The following CPSF7 variants were observed in gnomAD, a reference collection of about 807,000 sequenced individuals.
CPSF7 encodes cleavage and polyadenylation specific factor 7.
CPSF7 carries 1 observed loss-of-function variant against 44.3 expected under a neutral mutation model. The observed-to-expected ratio is 0.02, with a 90% CI of 0.01 to 0.11. The LOEUF is 0.11. CPSF7 is among the 10% of genes least tolerant of loss of function. The pLI, the probability that CPSF7 is intolerant of heterozygous loss-of-function variation, is 1.00. For missense variants in CPSF7, 443 were observed against 607.2 expected (o/e 0.73, Z 2.84); for synonymous variants, 202 against 222.0 (o/e 0.91, Z 0.80).
rs533964994 is a variant in CPSF7 at position 61,420,955 on chromosome 11, C to G, written c.274-382G>C. On this transcript the variant is annotated intron_variant, in intron 3 of 9. Coordinates refer to ENST00000439958, the MANE Select transcript of CPSF7 (RefSeq NM_001142565.3). ...CCTAATTTGGAAAAACCACCCCCAC[C>G]ACCAGCCCCAAAACATCACAAAATA... The G allele has an allele frequency of 1.0e-4, 71 of 700,188 alleles. No individual in the cohort carries two copies. In the African/African-American group the frequency reaches 1.1e-3, roughly 11 times the overall value. 43.4% of individuals were successfully genotyped at this position (700,188 alleles called of 1,614,324 possible).
At chr11:61,415,055 G>A (rs1053117061) in intron 7 of CPSF7, among the ~76,000 whole-genome samples, 1 of 152,112 alleles carries the variant, frequency 6.6e-6, no homozygotes, top group Non-Finnish European at 1.5e-5. Context: ...TGGCCAATAT[G>A]ATGAAACCCT....
At chr11:61,415,839 T>G in intron 6 of CPSF7, 55 bp from the exon 7 acceptor site, 1 of 1,279,360 alleles carries the variant, frequency 7.8e-7, no homozygotes, top group Non-Finnish European at 1.1e-6. Flanking sequence ...ATTTTTACTG[T>G]ACTCTACAAC....
chr11:61,406,893 C>G (rs1859381713), intron 9 of CPSF7, among the ~76,000 whole-genome samples: 1 of 152,100 alleles, frequency 6.6e-6, no homozygotes, highest in Non-Finnish European at 1.5e-5. Context: ...CCTCCTGCCT[C>G]AGCACCCCCA....
intron 9 of CPSF7, among the ~76,000 whole-genome samples, chr11:61,405,601 T>C (rs963514021): frequency 3.9e-5 from 6 of 152,226 alleles, no homozygotes; most frequent in African/African-American, 1.2e-4. Flanking sequence ...GGTGGTGGTA[T>C]GGTCAGTCTG....
rs747884642 is a variant in CPSF7 at position 61,410,976 on chromosome 11, T to C, written c.1356A>G (p.Arg452=). ...YFQERNREHE[R]HRDRERDRHH ...GCCGGTCCCGTTCTCTATCCCGGTG[T>C]CTCTCATGCTCCCGGTTCCTTTCTT... Residue 452 remains arginine, a synonymous_variant, in exon 9 of 10, where the codon AGA becomes AGG. Transcript: ENST00000439958. The C allele has an allele frequency of 1.7e-5, 27 of 1,613,422 alleles. No homozygotes were observed. Among genetic ancestry groups the C allele is most frequent in the African/African-American group, 2.7e-5 (2 of 74,866 alleles).
chr11:61,417,279 C>T (rs1054288225), intron 5 of CPSF7, among the ~76,000 whole-genome samples: 1 of 152,244 alleles, frequency 6.6e-6, no homozygotes, highest in African/African-American at 2.4e-5. Flanking sequence ...AAATCCTCTA[C>T]CCTTCAGGGC....
chr11:61,429,669 G>T (rs1202156709), intron 1 of CPSF7: 4 of 1,415,574 alleles, frequency 2.8e-6, no homozygotes, highest in Non-Finnish European at 1.9e-6. Flanking sequence ...AGAGCCCCCA[G>T]GTGTCAAGCA....
rs951395994 is a variant in CPSF7 at position 61,429,513 on chromosome 11, G to C, written c.-55-223C>G. Reference sequence around the variant, plus strand: ...TCGGGCCCGACCCGGGTAGCGCCGCGTCTGCGCCGCAGCTGCCTATGGCGC... The same window carrying C: ...TCGGGCCCGACCCGGGTAGCGCCGCCTCTGCGCCGCAGCTGCCTATGGCGC... On this transcript the variant is annotated intron_variant, in intron 1 of 9. Coordinates refer to ENST00000439958, the MANE Select transcript of CPSF7 (RefSeq NM_001142565.3). 1.5e-5 allele frequency: 8 copies of C among 533,476 alleles called. No homozygotes were observed. In the African/African-American group the frequency reaches 1.6e-4, roughly 11 times the overall value. The allele number at this position is 533,476 out of a possible 1,614,324, so 33.0% of individuals were successfully genotyped here. A position where few individuals can be genotyped will look rare whatever the true frequency, so the allele number is the denominator to read the frequency against.
At chr11:61,411,402 A>T (rs539366713) in intron 8 of CPSF7, among the ~76,000 whole-genome samples, 3 of 152,158 alleles carry the variant, frequency 2.0e-5, no homozygotes, top group Non-Finnish European at 4.4e-5. Context: ...TCCCTTTTTT[A>T]GAAAATGAGA....
At chr11:61,428,736 A>C (rs998338536) in intron 2 of CPSF7, among the ~76,000 whole-genome samples, 2 of 152,250 alleles carry the variant, frequency 1.3e-5, no homozygotes, top group Admixed American at 6.5e-5. Context: ...ACTAAATGTT[A>C]AAGTCATCTT....
chr11:61,429,833 C>T (rs1450742295), intron 1 of CPSF7, 81 bp downstream of exon 1: 1 of 1,547,272 alleles, frequency 6.5e-7, no homozygotes, highest in Non-Finnish European at 8.7e-7. Flanking sequence ...CGTCCCATCT[C>T]AACCGACCCC....
intron 3 of CPSF7, chr11:61,421,019 T>G: frequency 1.7e-6 from 2 of 1,164,206 alleles, no homozygotes; most frequent in Non-Finnish European, 2.3e-6. Flanking sequence ...CCAAGTATAC[T>G]AGAGTTATCA....
At chr11:61,416,755 T>G (rs17156016) in intron 5 of CPSF7, among the ~76,000 whole-genome samples, 13,306 of 144,998 alleles carry the variant, frequency 0.092, 1,743 homozygotes, top group African/African-American at 0.34. Context: ...TTTCCATCCA[T>G]AACTCCAGAA....
At chr11:61,407,382 G>A (rs932905028) in intron 9 of CPSF7, among the ~76,000 whole-genome samples, 1 of 152,204 alleles carries the variant, frequency 6.6e-6, no homozygotes, top group Non-Finnish European at 1.5e-5. Flanking sequence ...AGTAACACTA[G>A]CAACTGTGCA....
chr11:61,415,614 G>GA (rs1417343240), intron 7 of CPSF7, 52 bp downstream of exon 7: 62 of 1,210,176 alleles, frequency 5.1e-5, no homozygotes, highest in East Asian at 1.4e-4. Context: ...ACAAAATCAG[G>GA]AAAAAAAAGT....
intron 9 of CPSF7, among the ~76,000 whole-genome samples, chr11:61,409,938 C>T (rs1791521281): frequency 6.6e-6 from 1 of 152,050 alleles, no homozygotes; most frequent in East Asian, 1.9e-4. Context: ...CCACTATACT[C>T]CAGCGTGGGC....
chr11:61,429,048 C>T, intron 2 of CPSF7, 134 bp downstream of exon 2: 1 of 555,540 alleles, frequency 1.8e-6, no homozygotes. Context: ...AAAGTTTCTG[C>T]AGGAGAAAAA....
rs1860313503 is a variant in CPSF7, at chr11:61,416,087, AG to A, written c.938+17del. 2.7e-6 allele frequency: 4 copies of A among 1,491,586 alleles called. No homozygotes were observed. The highest frequency in any genetic ancestry group is 3.6e-6 in the Non-Finnish European group (4 of 1,121,854). The allele number at this position is 1,491,586 out of a possible 1,614,324, so 92.4% of individuals were successfully genotyped here. A position where few individuals can be genotyped will look rare whatever the true frequency, so the allele number is the denominator to read the frequency against. On this transcript the variant is annotated intron_variant, in intron 6 of 9. Transcript: ENST00000439958. ...TTATTTACCCTGGCTCAAATCTGAA[AG>A]GAACAATAGTCCTTACCTGCCATGG...
At chr11:61,406,517 T>A (rs541639960) in intron 9 of CPSF7, among the ~76,000 whole-genome samples, 43 of 152,306 alleles carry the variant, frequency 2.8e-4, no homozygotes, top group Non-Finnish European at 1.8e-4. Context: ...GGTGCCTGAT[T>A]CAGTTCTTTC....
Sources: allele counts gnomAD v4.1 joint callset (sites outside exome capture counted in the v4.1 genomes callset), GRCh38; gene constraint gnomAD v4.1.1; transcripts MANE v1.5; gene names NCBI Gene and HGNC (gene_info 2026-07-23, HGNC 2026-07-21).